The following ANP32B variants were observed in gnomAD, a reference collection of about 807,000 sequenced individuals.
ANP32B encodes acidic leucine-rich nuclear phosphoprotein 32 family member B.
ANP32B carries 6 observed loss-of-function variants against 32.2 expected under a neutral mutation model. The observed-to-expected ratio is 0.19, with a 90% confidence interval of 0.10 to 0.37. ANP32B has a LOEUF of 0.37. Ranked by LOEUF, ANP32B falls within the 10% of genes least tolerant of loss-of-function variation. The pLI is 1.00. For missense variants in ANP32B, 204 were observed against 289.2 expected (o/e 0.71, Z 2.14); for synonymous variants, 98 against 105.8 (o/e 0.93, Z 0.45).
At chr9:97,993,422 G>A (rs1292085586) in intron 1 of ANP32B, among the ~76,000 whole-genome samples, 1 of 152,160 alleles carries the variant, frequency 6.6e-6, no homozygotes, top group Non-Finnish European at 1.5e-5. Flanking sequence ...CTGTATACAT[G>A]CTTGATTAAT....
intron 3 of ANP32B, among the ~76,000 whole-genome samples, chr9:98,001,306 C>G (rs755559582): frequency 4.8e-4 from 73 of 151,966 alleles, no homozygotes; most frequent in Non-Finnish European, 9.3e-4. Context: ...ATTCTCCTGC[C>G]TCAGCCTCCC....
At chr9:98,003,298 T>C (rs896545041) in intron 3 of ANP32B, among the ~76,000 whole-genome samples, 1 of 152,168 alleles carries the variant, frequency 6.6e-6, no homozygotes, top group Non-Finnish European at 1.5e-5. Flanking sequence ...ATAAAACAAG[T>C]GTGGGAGCCT....
In ANP32B at chr9:98,010,948, T is replaced by C. The variant is rs1408596845; in HGVS notation, c.518-323T>C. On this transcript the variant is annotated intron_variant, in intron 4 of 6. Transcript: ENST00000339399. ...TCTTATCACTCAGCTTCAGCAATTA[T>C]TGGTCATAGCTGATCTTATTTTATT... 2.6e-5 allele frequency among the ~76,000 whole-genome samples: 4 copies of C among 152,288 alleles called. 1 individual carries two copies. Among genetic ancestry groups the C allele is most frequent in the African/African-American group, 7.2e-5 (3 of 41,562 alleles).
intron 5 of ANP32B, among the ~76,000 whole-genome samples, chr9:98,012,001 C>G (rs1298189805): frequency 6.6e-6 from 1 of 152,164 alleles, no homozygotes; most frequent in Non-Finnish European, 1.5e-5. Flanking sequence ...AACGCATCCT[C>G]TTTTGTAGTA....
intron 4 of ANP32B, among the ~76,000 whole-genome samples, chr9:98,005,563 T>G (rs1587878590): frequency 6.6e-6 from 1 of 151,576 alleles, no homozygotes; most frequent in East Asian, 1.9e-4. Flanking sequence ...AGGAAAATAG[T>G]GTGTGTTTGT....
At chr9:97,987,186 A>AT (rs1433048942) in intron 1 of ANP32B, among the ~76,000 whole-genome samples, 4 of 152,094 alleles carry the variant, frequency 2.6e-5, no homozygotes, top group South Asian at 2.1e-4. Flanking sequence ...AATTTTATTT[A>AT]TTTTTTTCTA....
At chr9:98,003,762 G>T (rs1189772328) in intron 3 of ANP32B, among the ~76,000 whole-genome samples, 1 of 152,150 alleles carries the variant, frequency 6.6e-6, no homozygotes, top group Non-Finnish European at 1.5e-5. Context: ...TTTATGTGGA[G>T]GTCCTCTTAA....
intron 1 of ANP32B, 102 bp downstream of exon 1, chr9:97,983,711 G>A: frequency 1.0e-6 from 1 of 954,058 alleles, no homozygotes; most frequent in East Asian, 3.3e-5. Context: ...CCGGCGCGGG[G>A]AAGAGCGCAG....
Position 98,011,262 on chromosome 9 carries a change from T to G in ANP32B, c.518-9T>G. On this transcript the variant is annotated splice_polypyrimidine_tract_variant and intron_variant, in intron 4 of 6. Coordinates refer to ENST00000339399, the MANE Select transcript of ANP32B (RefSeq NM_006401.3). ...GATATTTAATGAATCCCTTTTGGAC[T>G]ATTTTTAGAAGGAGAAGATGAGGAA... 6.4e-7 allele frequency: 1 copy of G among 1,551,288 alleles called. No individual in the cohort carries two copies. Among genetic ancestry groups the G allele is most frequent in the Non-Finnish European group, 8.7e-7 (1 of 1,146,776 alleles).
intron 1 of ANP32B, among the ~76,000 whole-genome samples, chr9:97,985,947 G>A (rs996009848): frequency 6.6e-6 from 1 of 151,956 alleles, no homozygotes; most frequent in Non-Finnish European, 1.5e-5. Flanking sequence ...TCAACCTCCC[G>A]CGTAGCTGGG....
chr9:97,994,636 A>G lies in ANP32B; in HGVS notation c.60A>G (p.Arg20=). 6.2e-7 allele frequency: 1 copy of G among 1,602,454 alleles called. No homozygotes were observed. Among genetic ancestry groups the G allele is most frequent in the South Asian group, 1.1e-5 (1 of 87,852 alleles). The change falls in exon 2 of 7, where the codon CGA becomes CGG. Residue 20 remains arginine, a synonymous_variant. Coordinates refer to ENST00000339399, the MANE Select transcript of ANP32B (RefSeq NM_006401.3). ...ELRNRTPAAV[R]ELVLDNCKSN... Reference sequence around the variant, plus strand: ...TTTTTCTTTGTCATCCACAGGTTCGAGAACTTGTCTTGGACAATTGCAAAT... The same window carrying G: ...TTTTTCTTTGTCATCCACAGGTTCGGGAACTTGTCTTGGACAATTGCAAAT...
At chr9:98,010,916 C>T (rs1192778370) in intron 4 of ANP32B, among the ~76,000 whole-genome samples, 2 of 151,916 alleles carry the variant, frequency 1.3e-5, no homozygotes, top group African/African-American at 4.8e-5. Flanking sequence ...AAAATGAACC[C>T]CCATGTTCTT....
chr9:97,988,145 GAAAA>G (rs923931971), intron 1 of ANP32B, among the ~76,000 whole-genome samples: 1 of 149,344 alleles, frequency 6.7e-6, no homozygotes, highest in Non-Finnish European at 1.5e-5. Flanking sequence ...TTTTTTTTTA[GAAAA>G]AAAATACAGT....
chr9:98,012,362 A>G (rs1286418103), intron 5 of ANP32B, 59 bp from the exon 6 acceptor site: 4 of 1,586,518 alleles, frequency 2.5e-6, no homozygotes, highest in Admixed American at 1.8e-5. Context: ...AATTTGTACT[A>G]TATGCACTTT....
intron 3 of ANP32B, 87 bp from the exon 4 acceptor site, chr9:98,004,877 A>T (rs966642072): frequency 5.7e-6 from 6 of 1,058,258 alleles, no homozygotes; most frequent in Non-Finnish European, 8.2e-6. Context: ...TTGAATATAG[A>T]GCCTAGAATT....
chr9:98,012,565 A>C (rs1828204348), intron 6 of ANP32B, 93 bp downstream of exon 6: 1 of 1,543,536 alleles, frequency 6.5e-7, no homozygotes, highest in African/African-American at 1.4e-5. Flanking sequence ...GAAGAAAATA[A>C]AATACTCTTG....
chr9:98,001,427 C>T (rs962785646), intron 3 of ANP32B, among the ~76,000 whole-genome samples: 6 of 152,048 alleles, frequency 3.9e-5, no homozygotes, highest in African/African-American at 7.2e-5. Flanking sequence ...CTCCTGAGCT[C>T]GTGATCCGCC....
chr9:97,985,410 G>A (rs1827708989), intron 1 of ANP32B, among the ~76,000 whole-genome samples: 1 of 152,180 alleles, frequency 6.6e-6, no homozygotes, highest in South Asian at 2.1e-4. Flanking sequence ...GAGATGGAGG[G>A]TCGCGGGCGT....
rs955168677 is a variant in ANP32B at position 97,983,624 on chromosome 9, C to T, written c.54+15C>T. ...CCCCGGCAGCTGTAAGCAGAGACCC[C>T]TCTGGGTGCCCTCTCCCCCGATGAC... On this transcript the variant is annotated intron_variant, in intron 1 of 6. Coordinates refer to ENST00000339399, the MANE Select transcript of ANP32B (RefSeq NM_006401.3). The T allele has an allele frequency of 5.2e-6, 8 of 1,552,458 alleles. No individual in the cohort carries two copies. The highest frequency in any genetic ancestry group is 6.1e-6 in the Non-Finnish European group (7 of 1,149,462).
Sources: allele counts gnomAD v4.1 joint callset (sites outside exome capture counted in the v4.1 genomes callset), GRCh38; gene constraint gnomAD v4.1.1; transcripts MANE v1.5; gene names NCBI Gene and HGNC (gene_info 2026-07-23, HGNC 2026-07-21).